PRG3: variants seen among roughly 807,000 people sequenced by gnomAD.
The protein encoded by PRG3 is proteoglycan 3.
In PRG3, 25 loss-of-function variants were observed where a neutral mutation model predicts 26.1. The observed-to-expected ratio is 0.96, with a 90% CI of 0.70 to 1.34. PRG3 has a LOEUF of 1.34. Among genes scored for constraint, PRG3 ranks in the 40% most tolerant of loss-of-function variants. The pLI is 0.00. For missense variants in PRG3, 280 were observed against 264.8 expected (o/e 1.06, Z -0.40); for synonymous variants, 111 against 100.4 (o/e 1.11, Z -0.63).
intron 5 of PRG3, 45 bp from the exon 6 acceptor site, chr11:57,376,953 G>C (rs1034464280): frequency 3.7e-6 from 6 of 1,605,372 alleles, no homozygotes; most frequent in Non-Finnish European, 5.1e-6. Flanking sequence ...TGCGGGGTCT[G>C]GCCTGGGCTT....
rs368392720 is a variant in PRG3 at position 57,377,840 on chromosome 11, G to A, written c.508-4C>T. ...AGCAAAACCGCTTCCACAGGAACTA[G>A]AGAAGTGACAGGCTAGGTCAGAGGG... is the stretch of plus-strand genomic sequence containing the variant. On this transcript the variant is annotated splice_polypyrimidine_tract_variant and splice_region_variant and intron_variant, in intron 4 of 5. Coordinates refer to ENST00000287143, the MANE Select transcript of PRG3 (RefSeq NM_006093.4). 6.0e-5 allele frequency: 97 copies of A among 1,610,710 alleles called. No homozygotes were observed. Among genetic ancestry groups the A allele is most frequent in the Non-Finnish European group, 7.6e-5 (89 of 1,178,170 alleles).
Position 57,376,857 on chromosome 11 carries a change from G to A in PRG3, c.671C>T (p.Ser224Phe), listed in dbSNP as rs1856950092. The change falls in exon 6 of 6, where the codon TCC (serine) becomes TTC (phenylalanine). Residue 224 changes from serine (S) to phenylalanine (F), a missense_variant. Coordinates refer to ENST00000287143, the MANE Select transcript of PRG3 (RefSeq NM_006093.4). ...GGTCTCCGTGCCGCTGGCTTAGAAG[G>A]AGCAGACGAAGGGCAGTTGCTTGTC... is the stretch of plus-strand genomic sequence containing the variant. ...QCDKQLPFVC[S>F]F 1 of 1,612,466 alleles carries A rather than the reference G, an allele frequency of 6.2e-7. No individual in the cohort carries two copies. Among genetic ancestry groups the A allele is most frequent in the African/African-American group, 1.3e-5 (1 of 74,926 alleles).
intron 5 of PRG3, 21 bp from the exon 6 acceptor site, chr11:57,376,929 G>A (rs1276340754): frequency 4.3e-6 from 7 of 1,611,448 alleles, no homozygotes; most frequent in South Asian, 1.1e-5. Flanking sequence ...AGAGCACAGT[G>A]AAGTCCACCG....
rs1285759739 is a variant in PRG3, at chr11:57,376,813, G to C, written c.*37C>G. The C allele has an allele frequency of 2.5e-6, 4 of 1,605,384 alleles. No homozygotes were observed. The African/African-American group carries it at 4.0e-5, about 16-fold the overall frequency. On this transcript the variant is annotated 3_prime_UTR_variant, in exon 6 of 6. Coordinates refer to ENST00000287143, the MANE Select transcript of PRG3 (RefSeq NM_006093.4). The stretch of plus-strand genomic sequence containing the variant: ...TTATGAGCAGGAGAGGTTGGGGGAC[G>C]GGAGGGAGCTGCTGGCAGGGTCTCC...
Position 57,379,775 on chromosome 11 carries a change from T to C in PRG3, c.94A>G (p.Thr32Ala), listed in dbSNP as rs1320991950. The change falls in exon 3 of 6, where the codon ACA (threonine) becomes GCA (alanine). Residue 32 changes from threonine (T) to alanine (A), a missense_variant. Coordinates refer to ENST00000287143, the MANE Select transcript of PRG3 (RefSeq NM_006093.4). ...NDAPHLESLE[T>A]QADLGQDLDS... ...AGATCCTGGCCTAGGTCTGCCTGTG[T>C]CTCTAGGCTCTCCAGATGGGGGGCA... is the stretch of plus-strand genomic sequence containing the variant. 3 of 1,612,188 alleles carry C rather than the reference T, an allele frequency of 1.9e-6. No individual in the cohort carries two copies. Among genetic ancestry groups the C allele is most frequent in the South Asian group, 1.1e-5 (1 of 90,940 alleles).
At chr11:57,378,619 A>C (rs17653181) in intron 4 of PRG3, 62 bp downstream of exon 4, 36,735 of 1,585,112 alleles carry the variant, frequency 0.023, 535 homozygotes, top group Middle Eastern at 0.048. Context: ...TGGCACCATC[A>C]GATGCTACTT....
chr11:57,379,841 G>C (rs1414945891), intron 2 of PRG3, 34 bp from the exon 3 acceptor site: 5 of 1,560,480 alleles, frequency 3.2e-6, no homozygotes, highest in Middle Eastern at 1.7e-4. Flanking sequence ...ATCAGGTCAA[G>C]AGCTTCCTAG....
At chr11:57,377,430 C>T (rs1017693818) in intron 5 of PRG3, among the ~76,000 whole-genome samples, 11 of 152,148 alleles carry the variant, frequency 7.2e-5, no homozygotes, top group Non-Finnish European at 1.2e-4. Flanking sequence ...TATCCACTTC[C>T]GCTACTCTCA....
In PRG3 at chr11:57,379,476, A is replaced by G. The variant is rs377298762; in HGVS notation, c.375+18T>C. 3 of 1,584,996 alleles carry G rather than the reference A, an allele frequency of 1.9e-6. No homozygotes were observed. Among genetic ancestry groups the G allele is most frequent in the Non-Finnish European group, 2.6e-6 (3 of 1,163,940 alleles). ...TCTTTTCCCCCAGGTCCTCCGCAGT[A>G]GCCTCCCTACTACTTACCTGAGCTT... On this transcript the variant is annotated intron_variant, in intron 3 of 5. Coordinates refer to ENST00000287143, the MANE Select transcript of PRG3 (RefSeq NM_006093.4).
At chr11:57,379,957 C>G in intron 2 of PRG3, 150 bp from the exon 3 acceptor site, 1 of 724,522 alleles carries the variant, frequency 1.4e-6, no homozygotes, top group Non-Finnish European at 2.2e-6. Context: ...GGAGAGATCT[C>G]TCGGGTCACA....
At chr11:57,380,546 C>T in intron 2 of PRG3, 102 bp downstream of exon 2, 1 of 991,832 alleles carries the variant, frequency 1.0e-6, no homozygotes, top group Non-Finnish European at 1.5e-6. Context: ...AGAGGGAAGG[C>T]TGTGGTCCTG....
rs1856979328 is a variant in PRG3, at chr11:57,379,681, T to G, written c.188A>C (p.Glu63Ala). The G allele has an allele frequency of 6.2e-7, 1 of 1,613,898 alleles. No homozygotes were observed. Among genetic ancestry groups the G allele is most frequent in the Non-Finnish European group, 8.5e-7 (1 of 1,180,022 alleles). Residue 63 changes from glutamate to alanine, a missense_variant, in exon 3 of 6, where the codon GAG (glutamate) becomes GCG (alanine). Glu to Ala is a moderately radical substitution (Grantham distance 107, BLOSUM62 -1). Coordinates refer to ENST00000287143, the MANE Select transcript of PRG3 (RefSeq NM_006093.4). ...GTCTTGACAGGCAGAAGCCTTGACC[T>G]CCTCTCCCTCTGCCTGAATCACCTC... The part of the protein sequence containing the change: ...TEEVIQAEGE[E>A]VKASACQDNF...
chr11:57,378,403 T>A (rs2134463349), intron 4 of PRG3, among the ~76,000 whole-genome samples: 1 of 151,736 alleles, frequency 6.6e-6, no homozygotes, highest in East Asian at 1.9e-4. Context: ...GGATGGGGAG[T>A]AGAAAGGAGC....
chr11:57,379,379 T>C (rs1856975157), intron 3 of PRG3, 115 bp downstream of exon 3: 1 of 1,077,038 alleles, frequency 9.3e-7, no homozygotes. Context: ...CAACTCCAGG[T>C]GATTCTGATG....
At chr11:57,377,169 C>T (rs1333400852) in intron 5 of PRG3, among the ~76,000 whole-genome samples, 1 of 152,198 alleles carries the variant, frequency 6.6e-6, no homozygotes, top group Non-Finnish European at 1.5e-5. Flanking sequence ...GTGCTGTCAT[C>T]ATCCCCATTT....
At chr11:57,379,436 A>T in intron 3 of PRG3, 58 bp downstream of exon 3, 1 of 1,450,396 alleles carries the variant, frequency 6.9e-7, no homozygotes, top group Admixed American at 2.0e-5. Context: ...AGGGAACAGA[A>T]GACTGAATGT....
At chr11:57,378,891 C>T (rs534372028) in intron 3 of PRG3, 79 bp from the exon 4 acceptor site, 24 of 1,564,096 alleles carry the variant, frequency 1.5e-5, no homozygotes, top group Middle Eastern at 1.7e-4. Context: ...CCCGGCATCC[C>T]TTTTCAGGTT....
At chr11:57,380,898 T>A (rs932855550) in intron 1 of PRG3, 117 bp from the exon 2 acceptor site, 2 of 464,190 alleles carry the variant, frequency 4.3e-6, no homozygotes, top group African/African-American at 4.1e-5. Flanking sequence ...AAAGGAATGG[T>A]GGGAGGGATA....
chr11:57,377,262 C>T (rs533942729), intron 5 of PRG3, among the ~76,000 whole-genome samples: 11 of 152,216 alleles, frequency 7.2e-5, no homozygotes, highest in Non-Finnish European at 1.5e-4. Context: ...GGGATGTGAA[C>T]TGCAGCAGTC....
Sources: gnomAD v4.1 joint callset for allele counts (sites outside exome capture counted in the v4.1 genomes callset) on GRCh38, gnomAD v4.1.1 for gene constraint, MANE v1.5 for transcripts, NCBI Gene and HGNC (gene_info 2026-07-23, HGNC 2026-07-21) for gene names.